Variants in CUL1 observed in about 807,000 individuals in gnomAD.
The protein encoded by CUL1 is cullin 1, also known as cullin-1.
Under a neutral mutation model 118.0 loss-of-function variants are expected in CUL1, and 24 were observed. The ratio of observed to expected loss-of-function variants is 0.20; its 90% CI spans 0.15 to 0.29. The LOEUF is 0.29. Ranked by LOEUF, CUL1 falls within the 10% of genes least tolerant of loss-of-function variation. The pLI is 1.00. For missense variants in CUL1, 361 were observed against 933.8 expected (o/e 0.39, Z 7.99); for synonymous variants, 332 against 340.4 (o/e 0.98, Z 0.27).
chr7:148,760,552 GTGAGTTCTTTTTAGCATA>G, intron 7 of CUL1, 56 bp downstream of exon 7: 1 of 1,281,658 alleles, frequency 7.8e-7, no homozygotes. Context: ...TGCTACTCAA[GTGAGTTCTTTTTAGCATA>G]TACAGCTTTC....
In CUL1 at chr7:148,756,980, T is replaced by C. The variant is rs777200780; in HGVS notation, c.316-3T>C. The C allele has an allele frequency of 1.1e-5, 18 of 1,569,900 alleles. No individual in the cohort carries two copies. The South Asian group carries it at 2.2e-4, about 19-fold the overall frequency. On this transcript the variant is annotated splice_region_variant and splice_polypyrimidine_tract_variant and intron_variant, in intron 3 of 21. Coordinates refer to ENST00000325222, the MANE Select transcript of CUL1 (RefSeq NM_003592.3). The stretch of plus-strand genomic sequence containing the variant: ...CTTAAAGCTTTAGTTAACTTGTTTT[T>C]AGGATGGAGAAGATTTGATGGATGA...
At chr7:148,740,743 C>G (rs1460635210) in intron 2 of CUL1, among the ~76,000 whole-genome samples, 1 of 152,130 alleles carries the variant, frequency 6.6e-6, no homozygotes, top group African/African-American at 2.4e-5. Flanking sequence ...AGGGTGGGGC[C>G]TTACCCTGAT....
Position 148,714,498 on chromosome 7 carries a change from T to C in CUL1, c.-161-15464T>C, listed in dbSNP as rs1361962715. 3.3e-5 allele frequency among the ~76,000 whole-genome samples: 5 copies of C among 152,280 alleles called. No homozygotes were observed. The East Asian group carries it at 5.8e-4, about 18-fold the overall frequency. ...ACCAGTATCTCCCCATCCCCCTCCT[T>C]GGTGCTTGATTTTTTAAGGAAAACT... is the stretch of plus-strand genomic sequence containing the variant. On this transcript the variant is annotated intron_variant, in intron 1 of 21. Coordinates refer to ENST00000325222, the MANE Select transcript of CUL1 (RefSeq NM_003592.3).
chr7:148,699,200 G>A (rs921339306), intron 1 of CUL1, among the ~76,000 whole-genome samples, 171 bp downstream of exon 1: 2 of 151,998 alleles, frequency 1.3e-5, no homozygotes, highest in African/African-American at 4.8e-5. Flanking sequence ...GCCGGGCCGG[G>A]GGACTCGTGG....
At chr7:148,745,954 G>A (rs1371533699) in intron 2 of CUL1, among the ~76,000 whole-genome samples, 1 of 152,188 alleles carries the variant, frequency 6.6e-6, no homozygotes, top group Admixed American at 6.5e-5. Context: ...TTCCTGACTA[G>A]ATAATGGTGA....
At chr7:148,779,308 A>G (rs1800528785) in intron 9 of CUL1, among the ~76,000 whole-genome samples, 1 of 152,244 alleles carries the variant, frequency 6.6e-6, no homozygotes. Context: ...TAGCAGGCAG[A>G]CACGGTCCCA....
chr7:148,749,536 T>TA (rs763106377), intron 2 of CUL1, among the ~76,000 whole-genome samples: 27 of 150,820 alleles, frequency 1.8e-4, no homozygotes, highest in Admixed American at 6.6e-4. Context: ...AAATCAATGA[T>TA]AAAAAGAATG....
chr7:148,727,385 T>C (rs139806595), intron 1 of CUL1, among the ~76,000 whole-genome samples: 1,537 of 152,356 alleles, frequency 0.01, 25 homozygotes, highest in African/African-American at 0.035. Flanking sequence ...TTGATGATAC[T>C]GGTATTTTAT....
chr7:148,750,270 A>G (rs939267215), intron 2 of CUL1, among the ~76,000 whole-genome samples: 27 of 151,516 alleles, frequency 1.8e-4, no homozygotes, highest in African/African-American at 6.6e-4. Flanking sequence ...ACATCCTTCT[A>G]CTGGAAGGAG....
At chr7:148,709,512 C>T (rs1363837947) in intron 1 of CUL1, among the ~76,000 whole-genome samples, 2 of 152,148 alleles carry the variant, frequency 1.3e-5, no homozygotes, top group African/African-American at 4.8e-5. Context: ...TAGTTCTTTA[C>T]CTTGTTAAAA....
intron 1 of CUL1, among the ~76,000 whole-genome samples, chr7:148,728,323 A>G (rs58911043): frequency 0.068 from 10,287 of 152,196 alleles, 1,219 homozygotes; most frequent in African/African-American, 0.23. Context: ...GTAAAAGAGC[A>G]TCTAGAGAGG....
chr7:148,732,763 A>G (rs1313727965), intron 2 of CUL1, among the ~76,000 whole-genome samples: 1 of 152,180 alleles, frequency 6.6e-6, no homozygotes, highest in Non-Finnish European at 1.5e-5. Flanking sequence ...GTATTCTACA[A>G]ATAATTAAAT....
chr7:148,701,179 TAACTTA>T (rs144375963), intron 1 of CUL1, among the ~76,000 whole-genome samples: 43,908 of 151,846 alleles, frequency 0.29, 7,504 homozygotes, highest in South Asian at 0.48. Flanking sequence ...GGAATAATTC[TAACTTA>T]AACTTAACGT....
chr7:148,795,607 A>C (rs1298672829), intron 17 of CUL1, among the ~76,000 whole-genome samples: 10 of 152,038 alleles, frequency 6.6e-5, no homozygotes, highest in Admixed American at 5.9e-4. Flanking sequence ...TCTACTAAAA[A>C]TACAAAAACA....
rs368293346 is a variant in CUL1, at chr7:148,726,711, G to A, written c.-161-3251G>A. Among the ~76,000 whole-genome samples, 5 of 151,956 alleles carry A rather than the reference G, an allele frequency of 3.3e-5. No individual in the cohort carries two copies. In the East Asian group the frequency reaches 9.7e-4, roughly 29 times the overall value. The stretch of plus-strand genomic sequence containing the variant: ...TAGTTTCTTCATCTGAAGAGGAAGG[G>A]TCAGAACTATCATTAAGGTTAACCT... On this transcript the variant is annotated intron_variant, in intron 1 of 21. Coordinates refer to ENST00000325222, the MANE Select transcript of CUL1 (RefSeq NM_003592.3).
intron 3 of CUL1, among the ~76,000 whole-genome samples, chr7:148,756,369 T>C (rs1414530751): frequency 6.6e-6 from 1 of 152,134 alleles, no homozygotes; most frequent in Non-Finnish European, 1.5e-5. Context: ...GGAGTCTTGC[T>C]CTGTCGCCCA....
At chr7:148,727,763 G>A (rs944540423) in intron 1 of CUL1, among the ~76,000 whole-genome samples, 4 of 152,142 alleles carry the variant, frequency 2.6e-5, no homozygotes, top group South Asian at 2.1e-4. Flanking sequence ...GGAGACTGAG[G>A]TGGCAAGGGG....
chr7:148,726,610 G>T (rs1421387912), intron 1 of CUL1, among the ~76,000 whole-genome samples: 9 of 152,120 alleles, frequency 5.9e-5, no homozygotes, highest in Admixed American at 5.9e-4. Context: ...CTAAAATTCA[G>T]ACTAGAGTGT....
chr7:148,721,437 G>A (rs1008721734), intron 1 of CUL1, among the ~76,000 whole-genome samples: 1 of 151,898 alleles, frequency 6.6e-6, no homozygotes. Context: ...AGAAACTGCA[G>A]TGTACCTGTC....
Sources: gnomAD v4.1 joint callset for allele counts (sites outside exome capture counted in the v4.1 genomes callset) on GRCh38, gnomAD v4.1.1 for gene constraint, MANE v1.5 for transcripts, NCBI Gene and HGNC (gene_info 2026-07-23, HGNC 2026-07-21) for gene names.